The following SLC12A7 variants were observed in gnomAD, a reference collection of about 807,000 sequenced individuals.
The protein encoded by SLC12A7 is K-Cl cotransporter 4.
In SLC12A7, 100 loss-of-function variants were observed where a neutral mutation model predicts 120.6. The ratio of observed to expected loss-of-function variants is 0.83; its 90% confidence interval spans 0.71 to 0.98. The LOEUF (loss-of-function observed/expected upper bound fraction) is 0.98, where lower values mean the gene tolerates loss of function less well. Among genes scored for constraint, SLC12A7 ranks in the 50% least tolerant of loss-of-function variants. The pLI is 0.00. For missense variants in SLC12A7, 1,373 were observed against 1,548.1 expected (o/e 0.89, Z 1.90); for synonymous variants, 760 against 678.0 (o/e 1.12, Z -1.88).
chr5:1,152,926 G>A, the SLC12A7 span, among the ~76,000 whole-genome samples: 1 of 152,218 alleles, frequency 6.6e-6, no homozygotes, highest in African/African-American at 2.4e-5. Flanking sequence ...AGGACAAATG[G>A]CCCGCCTGGC....
At position 1,094,145 on chromosome 5, in the gene SLC12A7, TAA is replaced by T. The variant is rs1740849482; in HGVS notation, c.219+7_219+8del. The stretch of plus-strand genomic sequence containing the variant: ...CCTGGCACCTTCTTCTTCTAAAAAG[TAA>T]AGTTACCTCGAAAAGTGCCATGTTC... On this transcript the variant is annotated splice_region_variant and intron_variant, in intron 2 of 23. Coordinates refer to ENST00000264930, the MANE Select transcript of SLC12A7 (RefSeq NM_006598.3). 1.2e-6 allele frequency: 2 copies of T among 1,608,452 alleles called. No homozygotes were observed. Among genetic ancestry groups the T allele is most frequent in the East Asian group, 4.5e-5 (2 of 44,868 alleles).
At chr5:1,065,593 GGAAGGCCC>G in intron 17 of SLC12A7, 115 bp from the exon 18 acceptor site, 3 of 826,490 alleles carry the variant, frequency 3.6e-6, no homozygotes, top group Non-Finnish European at 5.6e-6. Flanking sequence ...CCAGCAGGAG[GGAAGGCCC>G]GAAGGCTCAA....
intron 1 of SLC12A7, among the ~76,000 whole-genome samples, chr5:1,103,131 C>T (rs1194351824): frequency 3.9e-5 from 6 of 152,174 alleles, no homozygotes; most frequent in East Asian, 1.9e-4. Flanking sequence ...AGGATGAGAA[C>T]GGCCCAGTGT....
the SLC12A7 span, among the ~76,000 whole-genome samples, chr5:1,122,461 T>TA: frequency 1.3e-5 from 2 of 152,246 alleles, no homozygotes; most frequent in South Asian, 2.1e-4. Context: ...TTCCTTTTTC[T>TA]AAAAAAATCC....
chr5:1,145,337 T>C, the SLC12A7 span, among the ~76,000 whole-genome samples: 22,980 of 152,286 alleles, frequency 0.15, 2,214 homozygotes, highest in Middle Eastern at 0.24. The surrounding 1 kb of genome is among the most constrained non-coding windows in gnomAD (Gnocchi z 4.4). Context: ...ACACAGCTGC[T>C]GGGGTGGTCA....
chr5:1,116,214 G>A (rs1743314129), upstream of SLC12A7, among the ~76,000 whole-genome samples: 1 of 152,198 alleles, frequency 6.6e-6, no homozygotes, highest in South Asian at 2.1e-4. Flanking sequence ...AAGCAGCCCT[G>A]TCCCAAGGGT....
At chr5:1,110,902 C>T (rs1381647433) in intron 1 of SLC12A7, among the ~76,000 whole-genome samples, 1 of 152,242 alleles carries the variant, frequency 6.6e-6, no homozygotes, top group African/African-American at 2.4e-5. Flanking sequence ...GGTTCCTAAA[C>T]TGCCTGGAGG....
At chr5:1,056,502 GAC>G (rs1341403838) in intron 22 of SLC12A7, 6 of 727,992 alleles carry the variant, frequency 8.2e-6, no homozygotes, top group East Asian at 1.3e-4. Context: ...CACGCGCACA[GAC>G]ACACGCAGGC....
At chr5:1,063,699 CA>C in intron 20 of SLC12A7, 144 bp downstream of exon 20, 4 of 100,322 alleles carry the variant, frequency 4.0e-5, no homozygotes, top group Admixed American at 1.1e-4. Flanking sequence ...CTTCCCCCTC[CA>C]CCCCCACCTC....
chr5:1,154,590 C>T, the SLC12A7 span, among the ~76,000 whole-genome samples: 1 of 152,186 alleles, frequency 6.6e-6, no homozygotes, highest in African/African-American at 2.4e-5. Context: ...GGCAGTGCTG[C>T]AGGAGGTCAG....
the SLC12A7 span, among the ~76,000 whole-genome samples, chr5:1,151,734 C>T: frequency 6.6e-6 from 1 of 152,082 alleles, no homozygotes; most frequent in Non-Finnish European, 1.5e-5. This position sits in a 1 kb window ranked among gnomAD's most constrained non-coding sequence, Gnocchi z 6.2. Context: ...TGGTGAGGGG[C>T]GCACAGCTTG....
upstream of SLC12A7, among the ~76,000 whole-genome samples, chr5:1,114,740 T>G (rs1743248555): frequency 6.6e-6 from 1 of 151,518 alleles, no homozygotes; most frequent in Non-Finnish European, 1.5e-5. Flanking sequence ...GGGATCCGGG[T>G]CCAGTCCCCT....
At chr5:1,059,355 A>G (rs1735948349) in intron 21 of SLC12A7, among the ~76,000 whole-genome samples, 1 of 152,326 alleles carries the variant, frequency 6.6e-6, no homozygotes, top group Non-Finnish European at 1.5e-5. Context: ...CCCCACACGC[A>G]GACCCGTGTA....
intron 1 of SLC12A7, among the ~76,000 whole-genome samples, chr5:1,108,592 C>T (rs560133626): frequency 4.6e-5 from 7 of 152,292 alleles, no homozygotes; most frequent in South Asian, 2.1e-4. Flanking sequence ...TGTCCCTACT[C>T]GGCAGGACAG....
intron 21 of SLC12A7, among the ~76,000 whole-genome samples, chr5:1,058,841 G>GT (rs1735893526): frequency 6.6e-6 from 1 of 152,052 alleles, no homozygotes; most frequent in Admixed American, 6.5e-5. Flanking sequence ...GGGCCACCGT[G>GT]TAAGTCACTA....
rs2241608 is a variant in SLC12A7 at position 1,060,570 on chromosome 5, G to A, written c.2740-119C>T. ...AGCGGTGGGAAAGGCCACGCGTCCCGGGCCCCACAGGCCCCCTCTGGCTCT... is the reference window on the plus strand; with the variant it reads ...AGCGGTGGGAAAGGCCACGCGTCCCAGGCCCCACAGGCCCCCTCTGGCTCT... On this transcript the variant is annotated intron_variant, in intron 20 of 23. Coordinates refer to ENST00000264930, the MANE Select transcript of SLC12A7 (RefSeq NM_006598.3). 316,918 of 721,404 alleles carry A rather than the reference G, an allele frequency of 0.44. 73,215 individuals are homozygous for A. The highest frequency in any genetic ancestry group is 0.61 in the East Asian group (23,024 of 37,810). 44.7% of individuals were successfully genotyped at this position (721,404 alleles called of 1,614,324 possible). A position where few individuals can be genotyped will look rare whatever the true frequency, so the allele number is the denominator to read the frequency against.
the SLC12A7 span, among the ~76,000 whole-genome samples, chr5:1,122,151 G>A: frequency 6.6e-6 from 1 of 152,208 alleles, no homozygotes; most frequent in South Asian, 2.1e-4. Context: ...GACAGGGATG[G>A]TGTGGGGGGA....
intron 8 of SLC12A7, among the ~76,000 whole-genome samples, chr5:1,081,970 T>C (rs1028271277): frequency 2.0e-5 from 3 of 152,194 alleles, no homozygotes; most frequent in African/African-American, 7.2e-5. Context: ...AGAAGCCTCA[T>C]GTGGGGAACA....
intron 5 of SLC12A7, 97 bp downstream of exon 5, chr5:1,088,204 CCCCGG>C (rs764408692): frequency 1.0e-4 from 122 of 1,214,158 alleles, no homozygotes; most frequent in Admixed American, 1.9e-4. Context: ...CCCAGGCAGC[CCCCGG>C]CCCGGCCTCG....
Sources: gnomAD v4.1 joint callset for allele counts (sites outside exome capture counted in the v4.1 genomes callset) on GRCh38, gnomAD v4.1.1 for gene constraint, Gnocchi (gnomAD v3.1) non-coding constraint, MANE v1.5 for transcripts, NCBI Gene and HGNC (gene_info 2026-07-23, HGNC 2026-07-21) for gene names.